HAO2: variants seen among roughly 807,000 people sequenced by gnomAD.
The protein encoded by HAO2 is hydroxyacid oxidase 2.
In HAO2, 42 loss-of-function variants were observed where a neutral mutation model predicts 37.4. The observed-to-expected ratio is 1.12, with a 90% CI of 0.88 to 1.45. The LOEUF (loss-of-function observed/expected upper bound fraction) is 1.45, where lower values mean the gene tolerates loss of function less well. Ranked by LOEUF, HAO2 falls within the 40% of genes most tolerant of loss-of-function variation. The pLI is 0.00. For synonymous variants in HAO2, 180 were observed against 162.8 expected, an observed-to-expected ratio of 1.11 and a Z score of -0.81; for missense variants, 476 against 430.2, an observed-to-expected ratio of 1.11 and a Z score of -0.94.
rs1323832829 is a variant in HAO2, at chr1:119,368,823, C to T, written c.-88C>T. On this transcript the variant is annotated 5_prime_UTR_variant, in exon 1 of 8. Coordinates refer to ENST00000325945, the MANE Select transcript of HAO2 (RefSeq NM_016527.4). Reference sequence around the variant, plus strand: ...GGTAGTGATGTGGTGTGTTTCCTAACACCTCCGGCAGTGAGCCAGGCTTTG... The same window carrying T: ...GGTAGTGATGTGGTGTGTTTCCTAATACCTCCGGCAGTGAGCCAGGCTTTG... 1 of 152,168 alleles carries T rather than the reference C, an allele frequency of 6.6e-6. No individual in the cohort carries two copies. The highest frequency in any genetic ancestry group is 1.5e-5 in the Non-Finnish European group (1 of 68,056). The allele number at this position is 152,168 out of a possible 1,614,324, so 9.4% of individuals were successfully genotyped here. A position where few individuals can be genotyped will look rare whatever the true frequency, so the allele number is the denominator to read the frequency against.
rs59891150 is a variant in HAO2, at chr1:119,389,137, C to CATAT, written c.771+2334_771+2337dup. On this transcript the variant is annotated intron_variant, in intron 5 of 7. Transcript: ENST00000325945. ...TTCTTATGGCTGAGTAGTATTTCAT[C>CATAT]ATATATATATATATATATATATATA... Among the ~76,000 whole-genome samples, 25 of 3,316 alleles carry CATAT rather than the reference C, an allele frequency of 7.5e-3. 4 individuals carry two copies. The highest frequency in any genetic ancestry group is 0.025 in the African/African-American group (18 of 706). 2.2% of individuals were successfully genotyped at this position (3,316 alleles called of 152,430 possible).
intron 1 of HAO2, among the ~76,000 whole-genome samples, chr1:119,373,661 C>T (rs752703951): frequency 6.6e-6 from 1 of 152,064 alleles, no homozygotes; most frequent in African/African-American, 2.4e-5. Context: ...TCTTTCAATC[C>T]GTGACACACA....
chr1:119,385,750 C>G (rs1363493658), intron 4 of HAO2: 1 of 985,298 alleles, frequency 1.0e-6, no homozygotes, highest in Non-Finnish European at 1.2e-6. Flanking sequence ...GCCTTTTCAA[C>G]CAGTGGGCAA....
chr1:119,391,295 C>T (rs1453870570), intron 5 of HAO2, among the ~76,000 whole-genome samples: 2 of 152,120 alleles, frequency 1.3e-5, no homozygotes, highest in Non-Finnish European at 2.9e-5. Flanking sequence ...TTCCAGAACT[C>T]CCTCCCCAAG....
At chr1:119,371,615 A>T (rs978718275) in intron 1 of HAO2, among the ~76,000 whole-genome samples, 2 of 152,208 alleles carry the variant, frequency 1.3e-5, no homozygotes, top group Non-Finnish European at 2.9e-5. Context: ...TGGAATCGTG[A>T]CACATTACTA....
At position 119,384,935 on chromosome 1, in the gene HAO2, T is replaced by C; in HGVS notation, c.443T>C (p.Leu148Pro). 1 of 1,613,924 alleles carries C rather than the reference T, an allele frequency of 6.2e-7. No individual in the cohort carries two copies. The highest frequency in any genetic ancestry group is 8.5e-7 in the Non-Finnish European group (1 of 1,179,826). Reference protein sequence around the residue: ...NKQLIQRVESLGFKALVITLD... With the variant: ...NKQLIQRVESPGFKALVITLD... The stretch of plus-strand genomic sequence containing the variant: ...CAGTTGATCCAGAGGGTAGAATCCC[T>C]AGGTTTCAAAGCTTTGGTAATAACT... The change falls in exon 4 of 8, where the codon CTA becomes CCA. Residue 148 changes from leucine (L) to proline (P), a missense_variant. Leu to Pro is a moderately conservative substitution (Grantham distance 98, BLOSUM62 -3). Transcript: ENST00000325945.
At chr1:119,369,091 A>T (rs901607917) in intron 1 of HAO2, 189 bp downstream of exon 1, 1 of 152,260 alleles carries the variant, frequency 6.6e-6, no homozygotes, top group African/African-American at 2.4e-5. Context: ...TTTGGTTTCA[A>T]AAAGGATACA....
Position 119,384,861 on chromosome 1 carries a change from C to T in HAO2, c.369C>T (p.Gly123=), listed in dbSNP as rs75834889. Residue 123 remains glycine (G), a synonymous_variant, in exon 4 of 8, where the codon GGC becomes GGT. Transcript: ENST00000325945. The part of the protein sequence containing the change: ...LEDIVIAAPE[G]LRWFQLYVHP... ...ACATTGTCATTGCAGCTCCCGAAGG[C>T]CTCCGATGGTTCCAACTCTATGTGC... The T allele has an allele frequency of 4.1e-4, 658 of 1,613,656 alleles. 4 individuals are homozygous for T. In the African/African-American group the frequency reaches 7.3e-3, roughly 18 times the overall value.
intron 1 of HAO2, among the ~76,000 whole-genome samples, chr1:119,379,688 G>T (rs1649763668): frequency 6.6e-6 from 1 of 152,110 alleles, no homozygotes; most frequent in African/African-American, 2.4e-5. Context: ...CTATGGCTGG[G>T]CTCCAAATTA....
chr1:119,370,146 C>A (rs1648863977), intron 1 of HAO2: 1 of 152,128 alleles, frequency 6.6e-6, no homozygotes, highest in Non-Finnish European at 1.5e-5. Context: ...GGGTCACATA[C>A]CAGCTCTTCA....
intron 7 of HAO2, among the ~76,000 whole-genome samples, chr1:119,392,937 G>A (rs1333055895): frequency 2.0e-5 from 3 of 152,072 alleles, no homozygotes; most frequent in South Asian, 2.1e-4. Context: ...TGTTGAATTC[G>A]TTCAATTTAC....
rs111554074 is a variant in HAO2 at position 119,389,632 on chromosome 1, A to AT, written c.772-2463dup. On this transcript the variant is annotated intron_variant, in intron 5 of 7. Coordinates refer to ENST00000325945, the MANE Select transcript of HAO2 (RefSeq NM_016527.4). ...TGTCCTTAGCTCACTTTTTGATGAGATTTTTTTTTTTTTTTCTTGTTAATT... is the reference window on the plus strand; with the variant it reads ...TGTCCTTAGCTCACTTTTTGATGAGATTTTTTTTTTTTTTTTCTTGTTAATT... 4.7e-3 allele frequency among the ~76,000 whole-genome samples: 649 copies of AT among 138,390 alleles called. 4 individuals carry two copies. Among genetic ancestry groups the AT allele is most frequent in the Non-Finnish European group, 6.6e-3 (413 of 62,450 alleles). 90.8% of individuals were successfully genotyped at this position (138,390 alleles called of 152,430 possible). A position where few individuals can be genotyped will look rare whatever the true frequency, so the allele number is the denominator to read the frequency against.
intron 1 of HAO2, among the ~76,000 whole-genome samples, chr1:119,371,004 T>C (rs1648949970): frequency 6.6e-6 from 1 of 152,180 alleles, no homozygotes; most frequent in Non-Finnish European, 1.5e-5. Context: ...GCACATTCTA[T>C]CCTTGTTGAG....
intron 5 of HAO2, among the ~76,000 whole-genome samples, chr1:119,389,158 A>ACG (rs1242905773): frequency 1.2e-5 from 1 of 83,266 alleles, no homozygotes; most frequent in African/African-American, 5.0e-5. Flanking sequence ...ATATATATAT[A>ACG]TATATATATA....
chr1:119,389,739 T>A (rs1055716027), intron 5 of HAO2, among the ~76,000 whole-genome samples: 5 of 152,092 alleles, frequency 3.3e-5, no homozygotes, highest in Non-Finnish European at 5.9e-5. Flanking sequence ...CTCTGTGGGT[T>A]GTCTGTTTAC....
At chr1:119,378,949 G>T (rs587676037) in intron 1 of HAO2, among the ~76,000 whole-genome samples, 3 of 152,198 alleles carry the variant, frequency 2.0e-5, no homozygotes, top group African/African-American at 7.2e-5. Context: ...TACAAAGTGT[G>T]TTGGGGGTCC....
chr1:119,392,167 G>C lies in HAO2; in HGVS notation c.829G>C (p.Asp277His). ...AAAGGGGAAAATTGAAGTCTACCTG[G>C]ATGGCGGGGTCCGAACTGGCAATGA... ...AVKGKIEVYL[D>H]GGVRTGNDVL... Residue 277 changes from aspartate (D) to histidine (H), a missense_variant, in exon 6 of 8, where the codon GAT (aspartate) becomes CAT (histidine). By Grantham distance (81) the Asp-to-His change is moderately conservative. Coordinates refer to ENST00000325945, the MANE Select transcript of HAO2 (RefSeq NM_016527.4). The C allele has an allele frequency of 6.2e-7, 1 of 1,613,406 alleles. No individual in the cohort carries two copies. Among genetic ancestry groups the C allele is most frequent in the Non-Finnish European group, 8.5e-7 (1 of 1,179,492 alleles).
intron 1 of HAO2, among the ~76,000 whole-genome samples, chr1:119,372,239 T>G (rs1649093337): frequency 6.6e-6 from 1 of 152,230 alleles, no homozygotes; most frequent in Admixed American, 6.5e-5. Flanking sequence ...ATAAATCATT[T>G]TTAAAAATTT....
chr1:119,386,942 T>C (rs1650432792), intron 5 of HAO2, 111 bp downstream of exon 5: 1 of 714,702 alleles, frequency 1.4e-6, no homozygotes, highest in Non-Finnish European at 2.5e-6. Context: ...CACTCCTCTG[T>C]ACCACATGTG....
Sources: gnomAD v4.1 joint callset for allele counts (sites outside exome capture counted in the v4.1 genomes callset) on GRCh38, gnomAD v4.1.1 for gene constraint, MANE v1.5 for transcripts, NCBI Gene and HGNC (gene_info 2026-07-23, HGNC 2026-07-21) for gene names.